The following OR6C2 variants were observed in gnomAD, a reference collection of about 807,000 sequenced individuals.
OR6C2 encodes olfactory receptor 6C2.
For missense variants in OR6C2, 435 were observed against 365.8 expected (o/e 1.19, Z -1.54); for synonymous variants, 146 against 134.2 (o/e 1.09, Z -0.61).
chr12:55,453,245 T>C lies in OR6C2; in HGVS notation c.*93T>C. ...TTATTTCATTGCTTCCTGACTACAG[T>C]TTAGTCATGTGAACCTTCTCAATGA... On this transcript the variant is annotated 3_prime_UTR_variant, in exon 2 of 2. Transcript: ENST00000641202. 1.2e-6 allele frequency: 1 copy of C among 834,808 alleles called. No individual in the cohort carries two copies. Among genetic ancestry groups the C allele is most frequent in the African/African-American group, 1.7e-5 (1 of 57,864 alleles). 51.7% of individuals were successfully genotyped at this position (834,808 alleles called of 1,614,324 possible). A position where few individuals can be genotyped will look rare whatever the true frequency, so the allele number is the denominator to read the frequency against.
rs768496470 is a variant in OR6C2, at chr12:55,451,723, G to GTTGT, written c.-480_-477dup. 2 of 152,580 alleles carry GTTGT rather than the reference G, an allele frequency of 1.3e-5. No individual in the cohort carries two copies. The highest frequency in any genetic ancestry group is 4.8e-5 in the African/African-American group (2 of 41,416). 9.5% of individuals were successfully genotyped at this position (152,580 alleles called of 1,614,324 possible). A position where few individuals can be genotyped will look rare whatever the true frequency, so the allele number is the denominator to read the frequency against. On this transcript the variant is annotated 5_prime_UTR_variant, in exon 2 of 2. The change abolishes the stop of an existing upstream ORF in the 5' untranslated region. Coordinates refer to ENST00000641202, the MANE Select transcript of OR6C2 (RefSeq NM_054105.2). ...ACAACGGTTGTATTCTGTTGTCATT[G>GTTGT]TTGTTTGTTTGTTTTTCAGGAAAAA...
chr12:55,452,439 A>T lies in OR6C2; in HGVS notation c.226A>T (p.Ile76Phe). Residue 76 changes from isoleucine to phenylalanine, a missense_variant, in exon 2 of 2, where the codon ATT (isoleucine) becomes TTT (phenylalanine). By Grantham distance (21) the Ile-to-Phe change is conservative. Transcript: ENST00000641202. ...FLEVSFTTVC[I>F]PRFLYNISMG... ...AGAAGTCTCATTTACTACAGTCTGC[A>T]TTCCCAGATTCTTGTACAATATATC... 6.2e-7 allele frequency: 1 copy of T among 1,613,516 alleles called. No individual in the cohort carries two copies. Among genetic ancestry groups the T allele is most frequent in the Non-Finnish European group, 8.5e-7 (1 of 1,179,516 alleles).
intron 1 of OR6C2, among the ~76,000 whole-genome samples, chr12:55,450,404 A>G (rs1329389928): frequency 6.6e-6 from 1 of 152,144 alleles, no homozygotes; most frequent in Non-Finnish European, 1.5e-5. Flanking sequence ...GAAGAAAGGT[A>G]AGAAAATGGT....
chr12:55,448,567 A>G (rs1448325524), intron 1 of OR6C2, among the ~76,000 whole-genome samples: 1 of 147,444 alleles, frequency 6.8e-6, no homozygotes, highest in African/African-American at 2.5e-5. Flanking sequence ...ATTAAAAAAA[A>G]AAAAAAAGAC....
At chr12:55,450,790 A>C (rs1305718255) in intron 1 of OR6C2, among the ~76,000 whole-genome samples, 4 of 152,100 alleles carry the variant, frequency 2.6e-5, no homozygotes, top group African/African-American at 9.6e-5. Flanking sequence ...ATAAAAAGAC[A>C]GATATAGAAA....
At chr12:55,449,397 G>T (rs2120681819) in intron 1 of OR6C2, among the ~76,000 whole-genome samples, 1 of 152,036 alleles carries the variant, frequency 6.6e-6, no homozygotes, top group East Asian at 1.9e-4. Context: ...CATGCTATGT[G>T]TCAAGCAGAG....
At chr12:55,444,764 A>G (rs1871334145) in intron 1 of OR6C2, among the ~76,000 whole-genome samples, 1 of 152,216 alleles carries the variant, frequency 6.6e-6, no homozygotes, top group South Asian at 2.1e-4. Context: ...CAGTTACTTC[A>G]TAGTTTATGC....
rs1358968048 is a variant in OR6C2, at chr12:55,452,003, T to G, written c.-211T>G. The G allele has an allele frequency of 4.9e-6, 2 of 410,070 alleles. No individual in the cohort carries two copies. Among genetic ancestry groups the G allele is most frequent in the East Asian group, 6.9e-5 (2 of 29,092 alleles). The allele number at this position is 410,070 out of a possible 1,614,324, so 25.4% of individuals were successfully genotyped here. ...TTGGATTGTTTTACAAAACTTGATT[T>G]CTTAAGGAGATATCCACTGCTCATA... On this transcript the variant is annotated 5_prime_UTR_variant, in exon 2 of 2. Transcript: ENST00000641202.
rs752838973 is a variant in OR6C2, at chr12:55,452,068, T to A, written c.-146T>A. The A allele has an allele frequency of 1.9e-6, 1 of 532,638 alleles. No individual in the cohort carries two copies. The highest frequency in any genetic ancestry group is 3.3e-6 in the Non-Finnish European group (1 of 303,876). The allele number at this position is 532,638 out of a possible 1,614,324, so 33.0% of individuals were successfully genotyped here. On this transcript the variant is annotated 5_prime_UTR_variant, in exon 2 of 2. It adds an upstream start codon to the 5' untranslated region. Coordinates refer to ENST00000641202, the MANE Select transcript of OR6C2 (RefSeq NM_054105.2). ...AAAGGTTATTGGAACACTGGCAACA[T>A]TGATTATTCTATAAAGGGAGAAAAT...
rs779282932 is a variant in OR6C2 at position 55,452,643 on chromosome 12, C to CTCTGCTGT, written c.432_439dup (p.Trp147SerfsTer8). 3 of 1,613,744 alleles carry CTCTGCTGT rather than the reference C, an allele frequency of 1.9e-6. No individual in the cohort carries two copies. The highest frequency in any genetic ancestry group is 2.5e-6 in the Non-Finnish European group (3 of 1,179,830). On this transcript the variant is annotated frameshift_variant, in exon 2 of 2. Coordinates refer to ENST00000641202, the MANE Select transcript of OR6C2 (RefSeq NM_054105.2). LOFTEE classifies it low-confidence loss of function (END_TRUNC). ...CAACAGGGTGTGTACCTTATTAGTT[C>CTCTGCTGT]TCTGCTGTTGGGTGGCTGGCTTGAT...
intron 1 of OR6C2, among the ~76,000 whole-genome samples, chr12:55,446,658 G>C (rs1365369330): frequency 2.0e-5 from 3 of 152,068 alleles, no homozygotes; most frequent in African/African-American, 7.2e-5. Flanking sequence ...ATACCTCAGG[G>C]AATCAGGCAA....
chr12:55,452,854 T>C lies in OR6C2; in HGVS notation c.641T>C (p.Leu214Pro). The C allele has an allele frequency of 6.2e-7, 1 of 1,613,912 alleles. No individual in the cohort carries two copies. The highest frequency in any genetic ancestry group is 1.1e-5 in the South Asian group (1 of 91,078). Reference protein sequence around the residue: ...ALIITLVCVILSYLYIVRTIL... With the variant: ...ALIITLVCVIPSYLYIVRTIL... ...ATTATCACCCTAGTTTGTGTGATTC[T>C]GTCCTACTTGTACATAGTCAGAACA... is the stretch of plus-strand genomic sequence containing the variant. Residue 214 changes from leucine (L) to proline (P), a missense_variant, in exon 2 of 2, where the codon CTG becomes CCG. Coordinates refer to ENST00000641202, the MANE Select transcript of OR6C2 (RefSeq NM_054105.2).
At chr12:55,449,009 A>G (rs1045933411) in intron 1 of OR6C2, among the ~76,000 whole-genome samples, 3 of 151,986 alleles carry the variant, frequency 2.0e-5, no homozygotes, top group African/African-American at 7.2e-5. Flanking sequence ...GAACCTTCTA[A>G]TATGTGTAGA....
At chr12:55,451,025 A>AT (rs962096809) in intron 1 of OR6C2, among the ~76,000 whole-genome samples, 3 of 147,642 alleles carry the variant, frequency 2.0e-5, no homozygotes, top group Admixed American at 1.4e-4. Context: ...GTCTTTTTAA[A>AT]TTTTTTTTAA....
At chr12:55,445,296 A>G (rs1367179020) in intron 1 of OR6C2, among the ~76,000 whole-genome samples, 2 of 152,202 alleles carry the variant, frequency 1.3e-5, no homozygotes, top group Non-Finnish European at 2.9e-5. Context: ...TGGTACCTTT[A>G]AAGCAAGATG....
chr12:55,451,017 C>A (rs1871458115), intron 1 of OR6C2, among the ~76,000 whole-genome samples: 1 of 151,090 alleles, frequency 6.6e-6, no homozygotes, highest in Non-Finnish European at 1.5e-5. Context: ...ACGTTAATGT[C>A]TTTTTAAATT....
At chr12:55,449,188 A>G (rs1423641873) in intron 1 of OR6C2, among the ~76,000 whole-genome samples, 2 of 152,068 alleles carry the variant, frequency 1.3e-5, no homozygotes, top group Admixed American at 1.3e-4. Flanking sequence ...CTACCTTGGT[A>G]ATAATCATAA....
Position 55,452,439 on chromosome 12 carries a change from A to C in OR6C2, c.226A>C (p.Ile76Leu). The C allele has an allele frequency of 6.2e-7, 1 of 1,613,516 alleles. No homozygotes were observed. Among genetic ancestry groups the C allele is most frequent in the African/African-American group, 1.3e-5 (1 of 75,032 alleles). Reference protein sequence around the residue: ...FLEVSFTTVCIPRFLYNISMG... With the variant: ...FLEVSFTTVCLPRFLYNISMG... ...AGAAGTCTCATTTACTACAGTCTGC[A>C]TTCCCAGATTCTTGTACAATATATC... The change falls in exon 2 of 2, where the codon ATT becomes CTT. Residue 76 changes from isoleucine to leucine, a missense_variant. Ile to Leu is a conservative substitution (Grantham distance 5). Coordinates refer to ENST00000641202, the MANE Select transcript of OR6C2 (RefSeq NM_054105.2).
chr12:55,448,652 A>AAAAAAAAAG lies in OR6C2; in HGVS notation c.-887-2668_-887-2667insAGAAAAAAA, dbSNP rs1263236328. On this transcript the variant is annotated intron_variant, in intron 1 of 1. Transcript: ENST00000641202. ...TGGCTTCCATTCACTGCAAAAAAAA[A>AAAAAAAAAG]AAAAAAAGAAAGAAAAGAAAAGAAA... Among the ~76,000 whole-genome samples the AAAAAAAAAG allele has an allele frequency of 5.3e-3, 775 of 147,020 alleles. 14 individuals carry two copies. The highest frequency in any genetic ancestry group is 0.018 in the African/African-American group (727 of 39,836).
Sources: allele counts gnomAD v4.1 joint callset (sites outside exome capture counted in the v4.1 genomes callset), GRCh38; gene constraint gnomAD v4.1.1; transcripts MANE v1.5; gene names NCBI Gene and HGNC (gene_info 2026-07-23, HGNC 2026-07-21).